The following LRP1B variants were observed in gnomAD, a reference collection of about 807,000 sequenced individuals.
The protein encoded by LRP1B is low-density lipoprotein receptor-related protein 1B.
Under a neutral mutation model 556.6 loss-of-function variants are expected in LRP1B, and 217 were observed. The observed-to-expected ratio is 0.39, with a 90% CI of 0.35 to 0.44. The LOEUF (loss-of-function observed/expected upper bound fraction) is 0.44. LRP1B is among the 20% of genes least tolerant of loss of function. The pLI, the probability that LRP1B is intolerant of heterozygous loss-of-function variation, is 1.00. For missense variants in LRP1B, 5,053 were observed against 5,620.8 expected (o/e 0.90, Z 3.23); for synonymous variants, 2,047 against 1,865.8 (o/e 1.10, Z -2.50).
chr2:140,666,584 C>A (rs1685283887), intron 41 of LRP1B, among the ~76,000 whole-genome samples: 1 of 152,052 alleles, frequency 6.6e-6, no homozygotes, highest in African/African-American at 2.4e-5. Context: ...TATTTGTATG[C>A]CAATCTCATG....
rs149295017 is a variant in LRP1B, at chr2:141,438,546, C to T, written c.343+41850G>A. ...TTCTTTTAAGACTGTTCCTAGAAAG[C>T]AGCTACATAGGGAAATACAGCTAAA... On this transcript the variant is annotated intron_variant, in intron 3 of 90. Coordinates refer to ENST00000389484, the MANE Select transcript of LRP1B (RefSeq NM_018557.3). 2.9e-3 allele frequency among the ~76,000 whole-genome samples: 445 copies of T among 152,218 alleles called. 9 individuals carry two copies. The highest frequency in any genetic ancestry group is 1.2e-3 in the Non-Finnish European group (79 of 67,994).
At chr2:141,711,493 C>T (rs913720090) in intron 2 of LRP1B, among the ~76,000 whole-genome samples, 4 of 152,150 alleles carry the variant, frequency 2.6e-5, no homozygotes, top group Non-Finnish European at 5.9e-5. Flanking sequence ...AGAGAGTGAG[C>T]ATGAGACAGC....
intron 2 of LRP1B, among the ~76,000 whole-genome samples, chr2:141,675,276 AC>A (rs1273497223): frequency 2.0e-5 from 3 of 151,974 alleles, no homozygotes; most frequent in African/African-American, 7.2e-5. Context: ...ACATCTTTAA[AC>A]TTTTATTTTG....
At chr2:141,522,473 T>G (rs1349113605) in intron 2 of LRP1B, among the ~76,000 whole-genome samples, 1 of 152,080 alleles carries the variant, frequency 6.6e-6, no homozygotes, top group Non-Finnish European at 1.5e-5. Flanking sequence ...CAAAGTAAAA[T>G]GGAATAATTC....
At chr2:141,406,194 T>C (rs1034744850) in intron 3 of LRP1B, among the ~76,000 whole-genome samples, 5 of 152,140 alleles carry the variant, frequency 3.3e-5, no homozygotes, top group Non-Finnish European at 7.4e-5. Flanking sequence ...GTGCAAAACG[T>C]CTTTTATCAA....
intron 43 of LRP1B, among the ~76,000 whole-genome samples, chr2:140,558,360 C>T (rs1352569332): frequency 6.6e-6 from 1 of 152,072 alleles, no homozygotes; most frequent in African/African-American, 2.4e-5. Flanking sequence ...ACTCAAATGT[C>T]CATCTAATGA....
intron 35 of LRP1B, among the ~76,000 whole-genome samples, chr2:140,758,315 A>G (rs1449663823): frequency 6.6e-6 from 1 of 152,096 alleles, no homozygotes; most frequent in Non-Finnish European, 1.5e-5. Flanking sequence ...CAATCATATC[A>G]ATAATAAAAT....
intron 2 of LRP1B, among the ~76,000 whole-genome samples, chr2:141,791,089 T>C (rs1695593936): frequency 6.6e-6 from 1 of 151,972 alleles, no homozygotes; most frequent in Non-Finnish European, 1.5e-5. Context: ...GATATTTTTA[T>C]CTCTATCAAG....
In LRP1B at chr2:142,016,865, CAT is replaced by C. The variant is rs200279010; in HGVS notation, c.82+113781_82+113782del. On this transcript the variant is annotated intron_variant, in intron 1 of 90. Transcript: ENST00000389484. ...GTATATATGTATATATATACACACA[CAT>C]ATATGTATATATGTGTTTATATGTA... Among the ~76,000 whole-genome samples, 343 of 148,632 alleles carry C rather than the reference CAT, an allele frequency of 2.3e-3. 1 individual carries two copies. In the East Asian group the frequency reaches 0.024, roughly 10 times the overall value.
At chr2:141,794,940 C>A (rs1341148204) in intron 2 of LRP1B, among the ~76,000 whole-genome samples, 9 of 152,030 alleles carry the variant, frequency 5.9e-5, no homozygotes, top group African/African-American at 1.7e-4. Flanking sequence ...GAAATATTCT[C>A]TTTAAGGTCC....
intron 1 of LRP1B, among the ~76,000 whole-genome samples, chr2:141,945,174 C>T (rs925427382): frequency 6.6e-6 from 1 of 151,906 alleles, no homozygotes; most frequent in Non-Finnish European, 1.5e-5. Flanking sequence ...TTACCACATT[C>T]TTTATGCTTT....
At chr2:141,951,831 A>G (rs538987069) in intron 1 of LRP1B, among the ~76,000 whole-genome samples, 211 of 152,266 alleles carry the variant, frequency 1.4e-3, no homozygotes, top group African/African-American at 4.9e-3. Flanking sequence ...GTAAAAGTTC[A>G]GAAGAATTTT....
At chr2:141,592,272 G>A (rs866718650) in intron 2 of LRP1B, among the ~76,000 whole-genome samples, 7 of 152,168 alleles carry the variant, frequency 4.6e-5, no homozygotes, top group South Asian at 2.1e-4. Context: ...TAGCTTATAC[G>A]TGACAGAAAT....
rs747221520 is a variant in LRP1B, at chr2:141,254,523, T to A, written c.462A>T (p.Lys154Asn). ...GATGGCGTTATATGTTTTACTTACCTTTACAGCTTCTCCCATCTTCTGTTA... is the reference window on the plus strand; with the variant it reads ...GATGGCGTTATATGTTTTACTTACCATTACAGCTTCTCCCATCTTCTGTTA... ...FEITEDGRSCKDQDECAVYGT... is the reference protein window; with the variant it reads ...FEITEDGRSCNDQDECAVYGT... The change falls in exon 4 of 91, where the codon AAA becomes AAT. Residue 154 changes from lysine (K) to asparagine (N), a missense_variant and splice_region_variant. Around this residue, in one of 5 missense-constraint regions of LRP1B, gnomAD observed 3,619 missense variants for 3,931.9 expected, o/e 0.92. Transcript: ENST00000389484. 1.2e-6 allele frequency: 2 copies of A among 1,611,586 alleles called. No individual in the cohort carries two copies. Among genetic ancestry groups the A allele is most frequent in the Admixed American group, 3.3e-5 (2 of 59,890 alleles).
At chr2:141,312,396 G>A (rs924321744) in intron 3 of LRP1B, among the ~76,000 whole-genome samples, 2 of 152,102 alleles carry the variant, frequency 1.3e-5, no homozygotes, top group African/African-American at 4.8e-5. Flanking sequence ...TAAGAATACA[G>A]TATATGACAC....
chr2:141,530,790 G>T (rs983285079), intron 2 of LRP1B, among the ~76,000 whole-genome samples: 1 of 151,966 alleles, frequency 6.6e-6, no homozygotes, highest in African/African-American at 2.4e-5. Context: ...CAGGCCTAGA[G>T]AATAGCAAAT....
At chr2:140,243,284 A>G (rs937412952) in intron 87 of LRP1B, among the ~76,000 whole-genome samples, 3 of 151,088 alleles carry the variant, frequency 2.0e-5, no homozygotes, top group Admixed American at 1.3e-4. Context: ...TGTCCTGGCA[A>G]GGAGAGTGTA....
At chr2:141,191,333 T>C (rs1681496495) in intron 6 of LRP1B, among the ~76,000 whole-genome samples, 1 of 151,944 alleles carries the variant, frequency 6.6e-6, no homozygotes, top group Admixed American at 6.6e-5. Context: ...TATTTTTTCC[T>C]CCCCTAAAAG....
At chr2:141,449,651 A>G (rs146460834) in intron 3 of LRP1B, among the ~76,000 whole-genome samples, 174 of 152,304 alleles carry the variant, frequency 1.1e-3, no homozygotes, top group African/African-American at 4.0e-3. Context: ...ATTTAAATAA[A>G]TAGATCTGCA....
Sources: gnomAD v4.1 joint callset for allele counts (sites outside exome capture counted in the v4.1 genomes callset) on GRCh38, gnomAD v4.1.1 for gene constraint, gnomAD v4.1.1 regional missense constraint, MANE v1.5 for transcripts, NCBI Gene and HGNC (gene_info 2026-07-23, HGNC 2026-07-21) for gene names.